ANKS1B: variants seen among roughly 807,000 people sequenced by gnomAD.
ANKS1B encodes ankyrin repeat and sterile alpha motif domain-containing protein 1B.
ANKS1B carries 36 observed loss-of-function variants against 148.3 expected under a neutral mutation model. That is an observed-to-expected ratio of 0.24 (90% CI 0.19 to 0.32). ANKS1B has a LOEUF of 0.32. Ranked by LOEUF, ANKS1B falls within the 10% of genes least tolerant of loss-of-function variation. ANKS1B has a pLI of 1.00. For synonymous variants in ANKS1B, 542 were observed against 560.8 expected, an observed-to-expected ratio of 0.97 and a Z score of 0.47; for missense variants, 1,157 against 1,542.6, an observed-to-expected ratio of 0.75 and a Z score of 4.19.
intron 8 of ANKS1B, among the ~76,000 whole-genome samples, chr12:99,724,206 G>A (rs2058389032): frequency 6.6e-6 from 1 of 152,136 alleles, no homozygotes; most frequent in Non-Finnish European, 1.5e-5. Flanking sequence ...ATCAAATTCT[G>A]CTAGCTAAAG....
In ANKS1B at chr12:99,090,562, T is replaced by C. The variant is rs150916431; in HGVS notation, c.2527-5539A>G. Among the ~76,000 whole-genome samples the C allele has an allele frequency of 2.2e-4, 34 of 152,310 alleles. No homozygotes were observed. The East Asian group carries it at 5.2e-3, about 23-fold the overall frequency. On this transcript the variant is annotated intron_variant, in intron 15 of 26. Transcript: ENST00000683438. ...TATTTAAAATAGAATCACTGTATAA[T>C]AGAATGACAGCAAGATCTTACAAAC...
chr12:99,643,405 GA>G (rs1260952598), intron 9 of ANKS1B, among the ~76,000 whole-genome samples: 2 of 152,060 alleles, frequency 1.3e-5, no homozygotes, highest in African/African-American at 4.8e-5. Flanking sequence ...CCCAACCAAA[GA>G]GAGAGAAATG....
chr12:99,204,905 C>T (rs989159465), intron 14 of ANKS1B, among the ~76,000 whole-genome samples: 1 of 152,138 alleles, frequency 6.6e-6, no homozygotes, highest in Non-Finnish European at 1.5e-5. Context: ...GTCTTAGGTT[C>T]TTTTCACACA....
At chr12:98,877,131 G>A (rs1431953399) in intron 17 of ANKS1B, among the ~76,000 whole-genome samples, 1 of 152,150 alleles carries the variant, frequency 6.6e-6, no homozygotes, top group African/African-American at 2.4e-5. Flanking sequence ...TAAGCGATAG[G>A]CACCTACAAG....
intron 9 of ANKS1B, among the ~76,000 whole-genome samples, chr12:99,597,845 A>T (rs201905988): frequency 6.6e-6 from 1 of 152,086 alleles, no homozygotes; most frequent in East Asian, 1.9e-4. Context: ...TCTATTAAAT[A>T]TGGAATAATT....
chr12:99,296,094 A>G (rs1216151609), intron 12 of ANKS1B, among the ~76,000 whole-genome samples: 2 of 152,116 alleles, frequency 1.3e-5, no homozygotes, highest in Non-Finnish European at 2.9e-5. Flanking sequence ...TGTGGAAAAG[A>G]CTTTCCTTTA....
intron 14 of ANKS1B, among the ~76,000 whole-genome samples, chr12:99,200,633 G>A (rs577623315): frequency 6.6e-6 from 1 of 152,248 alleles, no homozygotes; most frequent in Admixed American, 6.5e-5. Flanking sequence ...GACCTCTTCA[G>A]GGGTGGTTTC....
At chr12:99,224,273 G>A (rs1435761598) in intron 14 of ANKS1B, among the ~76,000 whole-genome samples, 1 of 152,076 alleles carries the variant, frequency 6.6e-6, no homozygotes, top group Non-Finnish European at 1.5e-5. Flanking sequence ...AATAACTAAT[G>A]GAGCTTTACA....
At chr12:99,315,795 T>C (rs1001625721) in intron 12 of ANKS1B, among the ~76,000 whole-genome samples, 1 of 152,150 alleles carries the variant, frequency 6.6e-6, no homozygotes, top group African/African-American at 2.4e-5. Flanking sequence ...ACATTAGGTA[T>C]ATCTCCTAAT....
chr12:99,441,013 C>T lies in ANKS1B; in HGVS notation c.1575+2660G>A, dbSNP rs186008358. 1.6e-4 allele frequency among the ~76,000 whole-genome samples: 25 copies of T among 151,942 alleles called. No homozygotes were observed. The East Asian group carries it at 4.5e-3, about 27-fold the overall frequency. ...AATTCATGAATAAGGGTCACATTTA[C>T]ATTTTTATTTTCAAAGTTCAACACA... On this transcript the variant is annotated intron_variant, in intron 11 of 26. Coordinates refer to ENST00000683438, the MANE Select transcript of ANKS1B (RefSeq NM_001352186.2).
At chr12:98,743,009 T>TAA (rs57178096), downstream of ANKS1B, among the ~76,000 whole-genome samples, 1 of 152,178 alleles carries the variant, frequency 6.6e-6, no homozygotes, top group African/African-American at 2.4e-5. Flanking sequence ...TTATTTTTTT[T>TAA]AAAAAAAGTC....
chr12:98,769,165 CTTTTTTTTTT>C (rs1182264550), intron 25 of ANKS1B, among the ~76,000 whole-genome samples: 3,036 of 41,384 alleles, frequency 0.073, 124 homozygotes, highest in African/African-American at 0.23. Flanking sequence ...GTCTTCTTTA[CTTTTTTTTTT>C]TTTTTTTTTT....
In ANKS1B at chr12:99,110,860, C is replaced by T. The variant is rs2060153335; in HGVS notation, c.2527-25837G>A. 3.3e-5 allele frequency among the ~76,000 whole-genome samples: 5 copies of T among 152,186 alleles called. 1 individual carries two copies. The highest frequency in any genetic ancestry group is 3.3e-4 in the Admixed American group (5 of 15,280). ...AAAACTACTAAAATTGCCATTGCTTCACTGTATTGATTGCCCCATTATGTT... is the reference window on the plus strand; with the variant it reads ...AAAACTACTAAAATTGCCATTGCTTTACTGTATTGATTGCCCCATTATGTT... On this transcript the variant is annotated intron_variant, in intron 15 of 26. Coordinates refer to ENST00000683438, the MANE Select transcript of ANKS1B (RefSeq NM_001352186.2).
intron 10 of ANKS1B, among the ~76,000 whole-genome samples, chr12:99,445,345 G>C (rs2095619077): frequency 6.6e-6 from 1 of 151,976 alleles, no homozygotes; most frequent in African/African-American, 2.4e-5. Flanking sequence ...TCTGGCCAAG[G>C]ACTGGAGGCA....
chr12:99,052,123 T>A (rs776716818), intron 17 of ANKS1B, among the ~76,000 whole-genome samples: 1 of 149,926 alleles, frequency 6.7e-6, no homozygotes, highest in Non-Finnish European at 1.5e-5. Context: ...ACAATTCAAA[T>A]GAATGACCAT....
intron 1 of ANKS1B, among the ~76,000 whole-genome samples, chr12:99,961,232 A>AAAAAC (rs78927321): frequency 1.3e-5 from 2 of 150,832 alleles, no homozygotes; most frequent in Non-Finnish European, 3.0e-5. Flanking sequence ...CCCTCTCAAA[A>AAAAAC]AAAACAAAAC....
At position 99,333,861 on chromosome 12, in the gene ANKS1B, T is replaced by TG. The variant is rs1236128719; in HGVS notation, c.1756+65769_1756+65770insC. 2.0e-5 allele frequency among the ~76,000 whole-genome samples: 3 copies of TG among 146,438 alleles called. 1 individual carries two copies. The highest frequency in any genetic ancestry group is 3.0e-5 in the Non-Finnish European group (2 of 67,438). On this transcript the variant is annotated intron_variant, in intron 12 of 26. Coordinates refer to ENST00000683438, the MANE Select transcript of ANKS1B (RefSeq NM_001352186.2). ...TCACATTTCCAGTTCTCAGTTTTTT[T>TG]TTTTTTTTTTTTTTAACAATGTGAG...
chr12:99,644,254 C>T (rs1365783243), intron 9 of ANKS1B, among the ~76,000 whole-genome samples: 1 of 152,040 alleles, frequency 6.6e-6, no homozygotes, highest in East Asian at 1.9e-4. Flanking sequence ...TAACATGTTT[C>T]CTATTTATTT....
rs143653253 is a variant in ANKS1B, at chr12:99,266,705, G to A, written c.1757-19841C>T. Among the ~76,000 whole-genome samples the A allele has an allele frequency of 7.0e-3, 1,068 of 152,200 alleles. 9 individuals are homozygous for A. The highest frequency in any genetic ancestry group is 0.024 in the African/African-American group (996 of 41,532). Reference sequence around the variant, plus strand: ...TACCACTACCAAGTCTACAGTCACGGGTTTAAGGGTTAATAGAAACCCATT... The same window carrying A: ...TACCACTACCAAGTCTACAGTCACGAGTTTAAGGGTTAATAGAAACCCATT... On this transcript the variant is annotated intron_variant, in intron 12 of 26. Coordinates refer to ENST00000683438, the MANE Select transcript of ANKS1B (RefSeq NM_001352186.2).
Sources: gnomAD v4.1 joint callset for allele counts (sites outside exome capture counted in the v4.1 genomes callset) on GRCh38, gnomAD v4.1.1 for gene constraint, MANE v1.5 for transcripts, NCBI Gene and HGNC (gene_info 2026-07-23, HGNC 2026-07-21) for gene names.